The following TULP4 variants were observed in gnomAD, a reference collection of about 807,000 sequenced individuals.
The protein encoded by TULP4 is tubby-related protein 4.
TULP4 carries 16 observed loss-of-function variants against 129.0 expected under a neutral mutation model. That is an observed-to-expected ratio of 0.12 (90% CI 0.08 to 0.19). TULP4 has a LOEUF of 0.19. Among genes scored for constraint, TULP4 ranks in the 10% least tolerant of loss-of-function variants. The probability of loss-of-function intolerance (pLI) is 1.00; values close to 1 mark genes in which losing one functional copy is unlikely to be tolerated. For missense variants in TULP4, 1,842 were observed against 2,059.1 expected (o/e 0.89, Z 2.04); for synonymous variants, 998 against 854.0 (o/e 1.17, Z -2.94).
Position 158,502,934 on chromosome 6 carries a change from G to A in TULP4, c.3271G>A (p.Asp1091Asn). 1 of 1,614,034 alleles carries A rather than the reference G, an allele frequency of 6.2e-7. No homozygotes were observed. ...TDYVNSAFTE[D>N]EALSQHCQLE... ...CTACGTCAACTCGGCCTTCACGGAG[G>A]ACGAGGCCCTGTCCCAGCACTGTCA... Residue 1091 changes from aspartate (D) to asparagine (N), a missense_variant, in exon 13 of 14, where the codon GAC becomes AAC. Asp to Asn is a conservative substitution (Grantham distance 23). Transcript: ENST00000367097.
intron 5 of TULP4, 108 bp downstream of exon 5, chr6:158,452,376 A>C: frequency 7.0e-7 from 1 of 1,436,298 alleles, no homozygotes; most frequent in Non-Finnish European, 9.3e-7. Context: ...CTCTGTGGTG[A>C]CACCTTCTGG....
intron 1 of TULP4, among the ~76,000 whole-genome samples, chr6:158,361,340 A>G (rs1004348273): frequency 6.6e-6 from 1 of 152,232 alleles, no homozygotes; most frequent in African/African-American, 2.4e-5. Flanking sequence ...ATAGAGCAGT[A>G]TTCAATTCTA....
intron 1 of TULP4, among the ~76,000 whole-genome samples, chr6:158,393,843 TC>T (rs1160025271): frequency 1.3e-5 from 2 of 152,238 alleles, no homozygotes; most frequent in Admixed American, 6.5e-5. Flanking sequence ...ATTTTCCCCA[TC>T]GTCTTGGCGA....
intron 1 of TULP4, among the ~76,000 whole-genome samples, chr6:158,263,360 T>C (rs542496502): frequency 6.6e-6 from 1 of 152,326 alleles, no homozygotes; most frequent in Admixed American, 6.5e-5. Context: ...ACTTAACGTT[T>C]CAACCTCAAG....
intron 1 of TULP4, among the ~76,000 whole-genome samples, chr6:158,353,898 A>G (rs559720828): frequency 1.3e-5 from 2 of 152,346 alleles, no homozygotes; most frequent in East Asian, 3.9e-4. Flanking sequence ...GCATTCCCTA[A>G]AGGGGTTTTA....
chr6:158,255,727 A>G (rs1391772130), intron 1 of TULP4, among the ~76,000 whole-genome samples: 1 of 152,110 alleles, frequency 6.6e-6, no homozygotes, highest in Non-Finnish European at 1.5e-5. Flanking sequence ...GCACCCACTA[A>G]CCTTGGACTT....
chr6:158,500,661 C>T (rs1017315096), intron 12 of TULP4, among the ~76,000 whole-genome samples: 2 of 152,194 alleles, frequency 1.3e-5, no homozygotes, highest in East Asian at 1.9e-4. Context: ...GTCTGTAGAT[C>T]GCTGTTCAAA....
At chr6:158,284,612 T>G (rs1404368824) in intron 1 of TULP4, among the ~76,000 whole-genome samples, 1 of 152,210 alleles carries the variant, frequency 6.6e-6, no homozygotes, top group Non-Finnish European at 1.5e-5. Context: ...CTGAGTGCTG[T>G]TCTCAGTGCT....
intron 1 of TULP4, among the ~76,000 whole-genome samples, chr6:158,323,631 G>A (rs113422709): frequency 0.01 from 1,560 of 152,286 alleles, 27 homozygotes; most frequent in African/African-American, 0.036. Flanking sequence ...TACAGAGAGG[G>A]CATAGTTGGT....
At chr6:158,444,813 T>C (rs974623609) in intron 3 of TULP4, among the ~76,000 whole-genome samples, 5 of 152,156 alleles carry the variant, frequency 3.3e-5, no homozygotes, top group Non-Finnish European at 7.3e-5. Flanking sequence ...ATTGCATTGC[T>C]TTGTGTGTAT....
intron 1 of TULP4, among the ~76,000 whole-genome samples, chr6:158,259,199 C>T (rs1778305761): frequency 6.6e-6 from 1 of 152,238 alleles, no homozygotes; most frequent in South Asian, 2.1e-4. Flanking sequence ...CATTGCACTT[C>T]AGCCAGAGCT....
rs779060049 is a variant in TULP4, at chr6:158,502,127, G to A, written c.2464G>A (p.Ala822Thr). The change falls in exon 13 of 14, where the codon GCC becomes ACC. Residue 822 changes from alanine to threonine, a missense_variant. Coordinates refer to ENST00000367097, the MANE Select transcript of TULP4 (RefSeq NM_020245.5). ...AAEGDAVVFS[A>T]PQEVQVTKIN... ...TGAGGGGGACGCAGTGGTCTTTAGTGCCCCCCAGGAGGTCCAGGTGACGAA... is the reference window on the plus strand; with the variant it reads ...TGAGGGGGACGCAGTGGTCTTTAGTACCCCCCAGGAGGTCCAGGTGACGAA... 3 of 1,606,552 alleles carry A rather than the reference G, an allele frequency of 1.9e-6. No homozygotes were observed. The highest frequency in any genetic ancestry group is 1.7e-6 in the Non-Finnish European group (2 of 1,176,368).
At chr6:158,477,066 C>G (rs1449738724) in intron 6 of TULP4, among the ~76,000 whole-genome samples, 1 of 152,072 alleles carries the variant, frequency 6.6e-6, no homozygotes, top group Non-Finnish European at 1.5e-5. Context: ...ATTTGATGTG[C>G]TTGCTGTTGG....
intron 1 of TULP4, among the ~76,000 whole-genome samples, chr6:158,384,237 G>T (rs543459848): frequency 1.0e-3 from 152 of 151,020 alleles, no homozygotes; most frequent in African/African-American, 3.5e-3. Context: ...TTATGACAAG[G>T]TAATTTAATT....
chr6:158,316,626 T>G (rs1363922827), intron 1 of TULP4, among the ~76,000 whole-genome samples: 1 of 152,186 alleles, frequency 6.6e-6, no homozygotes, highest in Non-Finnish European at 1.5e-5. Flanking sequence ...TTTTTTATTC[T>G]TATGTAACAA....
At position 158,401,311 on chromosome 6, in the gene TULP4, C is replaced by T. The variant is rs1237557398; in HGVS notation, c.253-11754C>T. Among the ~76,000 whole-genome samples, 5 of 152,214 alleles carry T rather than the reference C, an allele frequency of 3.3e-5. No homozygotes were observed. In the East Asian group the frequency reaches 9.7e-4, roughly 29 times the overall value. On this transcript the variant is annotated intron_variant, in intron 1 of 13. Transcript: ENST00000367097. Reference sequence around the variant, plus strand: ...CTGGTCTCGAACTCCTGGGCTCAAGCGAGCTGTCAGCCTCGGCCTCCCAAA... The same window carrying T: ...CTGGTCTCGAACTCCTGGGCTCAAGTGAGCTGTCAGCCTCGGCCTCCCAAA...
At chr6:158,272,821 A>G (rs1778574086) in intron 1 of TULP4, among the ~76,000 whole-genome samples, 2 of 152,246 alleles carry the variant, frequency 1.3e-5, no homozygotes, top group Admixed American at 6.5e-5. Flanking sequence ...TAACTTTACT[A>G]TAGTAGATGT....
chr6:158,366,844 G>C (rs566270100), intron 1 of TULP4, among the ~76,000 whole-genome samples: 1 of 152,086 alleles, frequency 6.6e-6, no homozygotes, highest in African/African-American at 2.4e-5. Context: ...TCAAGGTCCC[G>C]TCCAGCTCCA....
chr6:158,360,835 A>G (rs1024342429), intron 1 of TULP4, among the ~76,000 whole-genome samples: 1 of 152,226 alleles, frequency 6.6e-6, no homozygotes, highest in African/African-American at 2.4e-5. Flanking sequence ...GCATGTGCCT[A>G]TCAGAAAATA....
Sources: gnomAD v4.1 joint callset for allele counts (sites outside exome capture counted in the v4.1 genomes callset) on GRCh38, gnomAD v4.1.1 for gene constraint, MANE v1.5 for transcripts, NCBI Gene and HGNC (gene_info 2026-07-23, HGNC 2026-07-21) for gene names.